SDC2: variants seen among roughly 807,000 people sequenced by gnomAD.
SDC2 encodes the protein syndecan 2.
SDC2 carries 13 observed loss-of-function variants against 22.2 expected under a neutral mutation model. That is an observed-to-expected ratio of 0.59 (90% CI 0.38 to 0.93). SDC2 has a LOEUF of 0.93. Among genes scored for constraint, SDC2 ranks in the 40% least tolerant of loss-of-function variants. SDC2 has a pLI of 0.00. For missense variants in SDC2, 235 were observed against 246.8 expected (o/e 0.95, Z 0.32); for synonymous variants, 94 against 92.8 (o/e 1.01, Z -0.07).
chr8:96,566,304 T>C (rs1001843576), intron 1 of SDC2, among the ~76,000 whole-genome samples: 1 of 152,236 alleles, frequency 6.6e-6, no homozygotes, highest in East Asian at 1.9e-4. Context: ...ACACTTAAAC[T>C]CTCTCAGGAC....
At chr8:96,593,031 C>T (rs1814810878) in intron 1 of SDC2, among the ~76,000 whole-genome samples, 1 of 152,168 alleles carries the variant, frequency 6.6e-6, no homozygotes, top group South Asian at 2.1e-4. Context: ...TTGATGGATC[C>T]CTGGGTGATT....
At chr8:96,495,249 G>A (rs1813052420) in intron 1 of SDC2, among the ~76,000 whole-genome samples, 1 of 152,202 alleles carries the variant, frequency 6.6e-6, no homozygotes. Flanking sequence ...GGGCCGGGAG[G>A]AGTCTCGTCT....
intron 1 of SDC2, among the ~76,000 whole-genome samples, chr8:96,507,168 G>A (rs374638054): frequency 1.3e-5 from 2 of 152,202 alleles, no homozygotes; most frequent in Admixed American, 6.5e-5. Context: ...CATCCAGAGA[G>A]GTTAAGTGAT....
intron 1 of SDC2, among the ~76,000 whole-genome samples, chr8:96,584,738 GC>G (rs1185342148): frequency 1.3e-5 from 2 of 152,196 alleles, no homozygotes; most frequent in Non-Finnish European, 2.9e-5. Context: ...AGGCAGCGAT[GC>G]CTGTAATAAC....
At chr8:96,560,922 A>G (rs1033559754) in intron 1 of SDC2, among the ~76,000 whole-genome samples, 1 of 152,154 alleles carries the variant, frequency 6.6e-6, no homozygotes, top group African/African-American at 2.4e-5. Context: ...CCTGGCCAAC[A>G]TGGTGAAACC....
intron 4 of SDC2, among the ~76,000 whole-genome samples, chr8:96,609,126 G>C (rs1815133639): frequency 6.6e-6 from 1 of 152,170 alleles, no homozygotes; most frequent in Non-Finnish European, 1.5e-5. Flanking sequence ...TATGGAATTA[G>C]TTAAGATCAA....
intron 1 of SDC2, among the ~76,000 whole-genome samples, chr8:96,510,920 T>C (rs1813317344): frequency 6.6e-6 from 1 of 152,176 alleles, no homozygotes; most frequent in Non-Finnish European, 1.5e-5. Context: ...ATTCATGTAA[T>C]ACAATTAGTA....
At chr8:96,515,963 C>T (rs1486755778) in intron 1 of SDC2, among the ~76,000 whole-genome samples, 2 of 152,164 alleles carry the variant, frequency 1.3e-5, no homozygotes, top group Non-Finnish European at 2.9e-5. Context: ...GCCAAAGAAC[C>T]CAGTGTTGGG....
chr8:96,502,482 C>T (rs1007187063), intron 1 of SDC2, among the ~76,000 whole-genome samples: 2 of 93,666 alleles, frequency 2.1e-5, no homozygotes, highest in African/African-American at 7.1e-5. Flanking sequence ...TAGAAGACTA[C>T]ATGACTTGAT....
In SDC2 at chr8:96,519,098, G is replaced by C. The variant is rs543317708; in HGVS notation, c.60+24767G>C. ...CAATTTTCTGTATCTAAGTTAGAGG[G>C]AGCTTGCAGCCTCTCCTACATCCCT... On this transcript the variant is annotated intron_variant, in intron 1 of 4. Transcript: ENST00000302190. Among the ~76,000 whole-genome samples the C allele has an allele frequency of 3.3e-5, 5 of 152,214 alleles. No individual in the cohort carries two copies. In the East Asian group the frequency reaches 9.7e-4, roughly 29 times the overall value.
At chr8:96,603,074 T>C (rs1201265456) in intron 3 of SDC2, among the ~76,000 whole-genome samples, 2 of 152,220 alleles carry the variant, frequency 1.3e-5, no homozygotes, top group Non-Finnish European at 2.9e-5. Context: ...GAATAAGGTC[T>C]TTGGCCTTAG....
intron 1 of SDC2, among the ~76,000 whole-genome samples, chr8:96,561,635 AATGTTCTTACC>A (rs1480942195): frequency 2.6e-5 from 4 of 152,162 alleles, no homozygotes; most frequent in African/African-American, 9.7e-5. Flanking sequence ...ATGTAACAAA[AATGTTCTTACC>A]ATGTCTAAAA....
intron 1 of SDC2, among the ~76,000 whole-genome samples, chr8:96,562,211 C>A (rs1489423277): frequency 6.6e-6 from 1 of 152,196 alleles, no homozygotes. Context: ...TTTGTTTTTG[C>A]ATGTGGATGT....
intron 1 of SDC2, among the ~76,000 whole-genome samples, chr8:96,510,484 A>G (rs1458207400): frequency 1.3e-5 from 2 of 152,196 alleles, no homozygotes; most frequent in Non-Finnish European, 2.9e-5. Flanking sequence ...ATTTGGGAGC[A>G]TGCTTGCCCT....
chr8:96,581,321 T>C (rs1224539727), intron 1 of SDC2, among the ~76,000 whole-genome samples: 1 of 152,156 alleles, frequency 6.6e-6, no homozygotes, highest in Non-Finnish European at 1.5e-5. Flanking sequence ...GACCCTGATA[T>C]CATAAGAATA....
At chr8:96,523,553 G>T (rs1813530415) in intron 1 of SDC2, among the ~76,000 whole-genome samples, 1 of 152,088 alleles carries the variant, frequency 6.6e-6, no homozygotes, top group Non-Finnish European at 1.5e-5. Context: ...TATGTGGAAA[G>T]GTGATTAGTT....
chr8:96,575,985 A>G (rs1814481798), intron 1 of SDC2, among the ~76,000 whole-genome samples: 1 of 152,142 alleles, frequency 6.6e-6, no homozygotes, highest in South Asian at 2.1e-4. Context: ...TACCGTTGTC[A>G]AAGAAACCTT....
chr8:96,597,467 C>T (rs375840249), intron 2 of SDC2, among the ~76,000 whole-genome samples: 36 of 152,310 alleles, frequency 2.4e-4, no homozygotes, highest in East Asian at 1.2e-3. Flanking sequence ...GTCCTCTTTT[C>T]GGTGTTTCCC....
At chr8:96,555,331 T>C (rs746328591) in intron 1 of SDC2, among the ~76,000 whole-genome samples, 1 of 152,190 alleles carries the variant, frequency 6.6e-6, no homozygotes, top group Non-Finnish European at 1.5e-5. Flanking sequence ...GCTGATCGTC[T>C]AGCACTTGGC....
Sources: allele counts gnomAD v4.1 joint callset (sites outside exome capture counted in the v4.1 genomes callset), GRCh38; gene constraint gnomAD v4.1.1; transcripts MANE v1.5; gene names NCBI Gene and HGNC (gene_info 2026-07-23, HGNC 2026-07-21).